TTYH2: variants seen among roughly 807,000 people sequenced by gnomAD.
TTYH2 encodes protein tweety homolog 2.
TTYH2 carries 49 observed loss-of-function variants against 68.3 expected under a neutral mutation model. That is an observed-to-expected ratio of 0.72 (90% CI 0.57 to 0.91). The LOEUF (loss-of-function observed/expected upper bound fraction) is 0.91, where lower values mean the gene tolerates loss of function less well. TTYH2 is among the 40% of genes least tolerant of loss of function. The probability of loss-of-function intolerance (pLI) is 0.00; values close to 1 mark genes in which losing one functional copy is unlikely to be tolerated. For synonymous variants in TTYH2, 272 were observed against 300.8 expected, an observed-to-expected ratio of 0.90 and a Z score of 0.99; for missense variants, 631 against 700.4, an observed-to-expected ratio of 0.90 and a Z score of 1.12.
intron 7 of TTYH2, 30 bp from the exon 8 acceptor site, chr17:74,249,314 G>C (rs201882192): frequency 6.2e-7 from 1 of 1,613,990 alleles, no homozygotes; most frequent in Admixed American, 1.7e-5. Flanking sequence ...TCATTTGTGA[G>C]CTGCCTAACG....
chr17:74,250,042 G>A lies in TTYH2; in HGVS notation c.1023+14G>A. ...TCCACTGCAGAGGTAAGGCAGCTGT[G>A]CAGGAAGAGGGGAGCCCCAGATGAA... On this transcript the variant is annotated intron_variant, in intron 9 of 13. Transcript: ENST00000269346. 6.2e-7 allele frequency: 1 copy of A among 1,613,732 alleles called. No homozygotes were observed. Among genetic ancestry groups the A allele is most frequent in the Non-Finnish European group, 8.5e-7 (1 of 1,179,706 alleles).
intron 1 of TTYH2, among the ~76,000 whole-genome samples, chr17:74,218,670 C>T (rs538484078): frequency 2.0e-5 from 3 of 152,154 alleles, no homozygotes; most frequent in African/African-American, 2.4e-5. Flanking sequence ...CAGCGGCTGC[C>T]GAAGGGGGAG....
At chr17:74,252,170 G>A (rs1427565762) in intron 10 of TTYH2, 64 bp from the exon 11 acceptor site, 5 of 1,593,954 alleles carry the variant, frequency 3.1e-6, no homozygotes, top group Middle Eastern at 1.8e-4. Context: ...TTCCAGAGGA[G>A]AGCTCGGCCC....
In TTYH2 at chr17:74,230,983, C is replaced by G. The variant is rs780170919; in HGVS notation, c.398C>G (p.Ser133Cys). Residue 133 changes from serine (S) to cysteine (C), a missense_variant, in exon 3 of 14, where the codon TCT becomes TGT. Transcript: ENST00000269346. ...YSLDDANHTF[S>C]GIDALVSGTT... is the part of the protein sequence containing the mutation. ...TTGGACGATGCCAACCACACCTTCTCTGGGATCGATGCTCTGGTAAGGCTC... is the reference window on the plus strand; with the variant it reads ...TTGGACGATGCCAACCACACCTTCTGTGGGATCGATGCTCTGGTAAGGCTC... 3 of 1,613,906 alleles carry G rather than the reference C, an allele frequency of 1.9e-6. No individual in the cohort carries two copies. Among genetic ancestry groups the G allele is most frequent in the Admixed American group, 1.7e-5 (1 of 60,008 alleles).
At position 74,248,547 on chromosome 17, in the gene TTYH2, C is replaced by A. The variant is rs1009069969; in HGVS notation, c.805-464C>A. The A allele has an allele frequency of 2.0e-5, 20 of 999,266 alleles. No homozygotes were observed. In the African/African-American group the frequency reaches 2.8e-4, roughly 14 times the overall value. 61.9% of individuals were successfully genotyped at this position (999,266 alleles called of 1,614,324 possible). On this transcript the variant is annotated intron_variant, in intron 6 of 13. Transcript: ENST00000269346. ...TTTGGGGGAGGCTTCATAGATTGAA[C>A]ACCCGTCCCTGTAGCACTTGATCAT...
In TTYH2 at chr17:74,232,281, A is replaced by T. The variant is rs1374100710; in HGVS notation, c.414+1282A>T. On this transcript the variant is annotated intron_variant, in intron 3 of 13. Coordinates refer to ENST00000269346, the MANE Select transcript of TTYH2 (RefSeq NM_032646.6). This position sits in a 1 kb window ranked among gnomAD's most constrained non-coding sequence, Gnocchi z 5.1. ...GGGTCGGGGGTGTCACCTTAAAGAG[A>T]CAGCTGTGCTGCTCCTCCGTGCCCA... 6.6e-6 allele frequency among the ~76,000 whole-genome samples: 1 copy of T among 152,136 alleles called. No individual in the cohort carries two copies. Among genetic ancestry groups the T allele is most frequent in the East Asian group, 1.9e-4 (1 of 5,174 alleles).
In TTYH2 at chr17:74,249,001, C is replaced by T; in HGVS notation, c.805-10C>T. 1 of 1,614,158 alleles carries T rather than the reference C, an allele frequency of 6.2e-7. No individual in the cohort carries two copies. Among genetic ancestry groups the T allele is most frequent in the South Asian group, 1.1e-5 (1 of 91,072 alleles). On this transcript the variant is annotated splice_polypyrimidine_tract_variant and intron_variant, in intron 6 of 13. Coordinates refer to ENST00000269346, the MANE Select transcript of TTYH2 (RefSeq NM_032646.6). Reference sequence around the variant, plus strand: ...TTTTCCTCCACCCCGTCCCTCTCTCCCTCACTCAGGCCACCAGTGACTTCT... The same window carrying T: ...TTTTCCTCCACCCCGTCCCTCTCTCTCTCACTCAGGCCACCAGTGACTTCT...
chr17:74,221,382 A>T (rs1286810458), intron 1 of TTYH2, among the ~76,000 whole-genome samples: 1 of 152,170 alleles, frequency 6.6e-6, no homozygotes, highest in Non-Finnish European at 1.5e-5. Flanking sequence ...TCCCTGCACA[A>T]GTCTCGTCTC....
At chr17:74,229,997 G>C (rs1567813094) in intron 2 of TTYH2, among the ~76,000 whole-genome samples, 1 of 152,182 alleles carries the variant, frequency 6.6e-6, no homozygotes, top group Non-Finnish European at 1.5e-5. Flanking sequence ...CAGGCGTGGT[G>C]GCGGACACCT....
intron 10 of TTYH2, chr17:74,251,959 C>T (rs1319546379): frequency 4.8e-6 from 2 of 415,742 alleles, no homozygotes; most frequent in Non-Finnish European, 8.8e-6. Context: ...TCTGGTTCCC[C>T]ACCCTGCAAC....
intron 3 of TTYH2, among the ~76,000 whole-genome samples, chr17:74,231,599 C>A (rs2050390442): frequency 6.6e-6 from 1 of 151,998 alleles, no homozygotes. Flanking sequence ...ATCACTTGAG[C>A]CTGGGAAGCG....
chr17:74,255,930 A>T (rs1266951415), intron 13 of TTYH2, among the ~76,000 whole-genome samples: 1 of 152,160 alleles, frequency 6.6e-6, no homozygotes, highest in Non-Finnish European at 1.5e-5. Context: ...AATACCTGGG[A>T]CCAGCGTGAT....
rs572307412 is a variant in TTYH2, at chr17:74,237,412, C to G, written c.533C>G (p.Ala178Gly). Residue 178 changes from alanine (A) to glycine (G), a missense_variant, in exon 4 of 14, where the codon GCG becomes GGG. By Grantham distance (60) the Ala-to-Gly change is moderately conservative. Transcript: ENST00000269346. ...LQTLKFIQQM[A>G]GSVVVQLSGL... ...ACCCTGAAGTTCATACAGCAGATGG[C>G]GGGCAGCGTTGTTGTTCAGCTCTCA... 3 of 1,614,100 alleles carry G rather than the reference C, an allele frequency of 1.9e-6. No individual in the cohort carries two copies. Among genetic ancestry groups the G allele is most frequent in the South Asian group, 1.1e-5 (1 of 91,084 alleles).
chr17:74,215,673 G>GTCTGGC lies in TTYH2; in HGVS notation c.129+1963_129+1968dup. On this transcript the variant is annotated intron_variant, in intron 1 of 13. Coordinates refer to ENST00000269346, the MANE Select transcript of TTYH2 (RefSeq NM_032646.6). This position sits in a 1 kb window ranked among gnomAD's most constrained non-coding sequence, Gnocchi z 4.3. ...TGAGCGTGGTGGGCCAGGACCGGAA[G>GTCTGGC]TCTGGCTCTGGGTGTTATTTAAGGT... The GTCTGGC allele has an allele frequency of 6.5e-7, 1 of 1,535,646 alleles. No individual in the cohort carries two copies. The highest frequency in any genetic ancestry group is 8.7e-7 in the Non-Finnish European group (1 of 1,146,914).
chr17:74,243,970 C>A lies in TTYH2; in HGVS notation c.732-7C>A. 6.2e-7 allele frequency: 1 copy of A among 1,611,306 alleles called. No individual in the cohort carries two copies. Among genetic ancestry groups the A allele is most frequent in the East Asian group, 2.2e-5 (1 of 44,870 alleles). On this transcript the variant is annotated splice_polypyrimidine_tract_variant and splice_region_variant and intron_variant, in intron 5 of 13. Coordinates refer to ENST00000269346, the MANE Select transcript of TTYH2 (RefSeq NM_032646.6). ...CCTGCCAACGTTGTCGCCTGCCTCTCTCCTAGGATGCTGTGCTGTGGGGCA... is the reference window on the plus strand; with the variant it reads ...CCTGCCAACGTTGTCGCCTGCCTCTATCCTAGGATGCTGTGCTGTGGGGCA...
chr17:74,243,592 T>C, intron 5 of TTYH2, 123 bp downstream of exon 5: 1 of 967,042 alleles, frequency 1.0e-6, no homozygotes, highest in Admixed American at 2.0e-5. Flanking sequence ...GAGGCCACCT[T>C]CTGCCCCGTC....
rs2050753452 is a variant in TTYH2, at chr17:74,261,785, AT to A, written c.*1577del. ...CTCCCTGTCTCACCTACATTAACCC[AT>A]GCATACTGTATGCCATAAACTCACT... On this transcript the variant is annotated 3_prime_UTR_variant, in exon 14 of 14. Transcript: ENST00000269346. 2 of 152,250 alleles carry A rather than the reference AT, an allele frequency of 1.3e-5. No homozygotes were observed. Among genetic ancestry groups the A allele is most frequent in the Admixed American group, 1.3e-4 (2 of 15,270 alleles). 9.4% of individuals were successfully genotyped at this position (152,250 alleles called of 1,614,324 possible).
intron 2 of TTYH2, among the ~76,000 whole-genome samples, chr17:74,229,810 A>C (rs560658624): frequency 1.6e-4 from 25 of 152,322 alleles, no homozygotes; most frequent in Middle Eastern, 3.4e-3. Flanking sequence ...ATTCTGAAAA[A>C]GGCAAAACTA....
Position 74,250,249 on chromosome 17 carries a change from TC to T in TTYH2, c.1024-15del. 6.2e-7 allele frequency: 1 copy of T among 1,607,688 alleles called. No individual in the cohort carries two copies. The highest frequency in any genetic ancestry group is 8.5e-7 in the Non-Finnish European group (1 of 1,176,496). On this transcript the variant is annotated splice_polypyrimidine_tract_variant and intron_variant, in intron 9 of 13. Transcript: ENST00000269346. The stretch of plus-strand genomic sequence containing the variant: ...TCCACAGCCCCTCGGCCTCTCTCGC[TC>T]TCTTCCCGCTTCAGGAAGACCTGCT...
Sources: allele counts gnomAD v4.1 joint callset (sites outside exome capture counted in the v4.1 genomes callset), GRCh38; gene constraint gnomAD v4.1.1; non-coding constraint Gnocchi (gnomAD v3.1); transcripts MANE v1.5; gene names NCBI Gene and HGNC (gene_info 2026-07-23, HGNC 2026-07-21).